The following GKAP1 variants were observed in gnomAD, a reference collection of about 807,000 sequenced individuals.
GKAP1 encodes the protein G kinase-anchoring protein 1.
GKAP1 carries 31 observed loss-of-function variants against 56.7 expected under a neutral mutation model. That is an observed-to-expected ratio of 0.55 (90% CI 0.41 to 0.74). GKAP1 has a LOEUF of 0.74. GKAP1 is among the 30% of genes least tolerant of loss of function. The pLI, the probability that GKAP1 is intolerant of heterozygous loss-of-function variation, is 0.00. For missense variants in GKAP1, 364 were observed against 402.3 expected (o/e 0.90, Z 0.82); for synonymous variants, 151 against 138.6 (o/e 1.09, Z -0.63).
Position 83,742,615 on chromosome 9 carries a change from A to C in GKAP1, c.905-15T>G, listed in dbSNP as rs1262241331. The C allele has an allele frequency of 6.3e-7, 1 of 1,586,452 alleles. No homozygotes were observed. Among genetic ancestry groups the C allele is most frequent in the South Asian group, 1.1e-5 (1 of 90,250 alleles). ...CTTATCTTTCACTGACAAAAAAGGA[A>C]AAACAGCAGTATAGATTTTCCAGTC... is the stretch of plus-strand genomic sequence containing the variant. On this transcript the variant is annotated splice_polypyrimidine_tract_variant and intron_variant, in intron 10 of 12. Coordinates refer to ENST00000376371, the MANE Select transcript of GKAP1 (RefSeq NM_025211.4).
chr9:83,799,284 A>C lies in GKAP1; in HGVS notation c.261T>G (p.His87Gln). Residue 87 changes from histidine (H) to glutamine (Q), a missense_variant, in exon 4 of 13, where the codon CAT becomes CAG. Transcript: ENST00000376371. ...GATCATGTTGAGCGTTACAAACAGC[A>C]TGGGAGGATTTCTGGGGAATTTTCT... is the stretch of plus-strand genomic sequence containing the variant. ...AFKKIPQKSS[H>Q]AVCNAQHDLP... The C allele has an allele frequency of 6.2e-7, 1 of 1,601,492 alleles. No individual in the cohort carries two copies. The highest frequency in any genetic ancestry group is 1.3e-5 in the African/African-American group (1 of 74,296).
At chr9:83,761,935 C>T (rs1943579208) in intron 8 of GKAP1, among the ~76,000 whole-genome samples, 1 of 151,968 alleles carries the variant, frequency 6.6e-6, no homozygotes, top group Non-Finnish European at 1.5e-5. Flanking sequence ...CACAAGAAAC[C>T]CACAGCAAGT....
At chr9:83,750,004 T>C (rs551824441) in intron 9 of GKAP1, among the ~76,000 whole-genome samples, 143 of 152,316 alleles carry the variant, frequency 9.4e-4, no homozygotes, top group Middle Eastern at 3.4e-3. Context: ...CTACACTCGC[T>C]ATGAAATTCC....
chr9:83,755,676 CAAAAT>C (rs1943462582), intron 8 of GKAP1, among the ~76,000 whole-genome samples: 1 of 146,476 alleles, frequency 6.8e-6, no homozygotes, highest in Admixed American at 6.8e-5. Flanking sequence ...ACCACTGTAA[CAAAAT>C]AAAAAGGTAA....
At chr9:83,763,657 C>T (rs1943612447) in intron 8 of GKAP1, among the ~76,000 whole-genome samples, 1 of 152,166 alleles carries the variant, frequency 6.6e-6, no homozygotes, top group Non-Finnish European at 1.5e-5. Flanking sequence ...TCTCTGATCC[C>T]CTTTCCTGTG....
chr9:83,789,733 T>G (rs1467105529), intron 4 of GKAP1, among the ~76,000 whole-genome samples: 1 of 151,004 alleles, frequency 6.6e-6, no homozygotes, highest in Non-Finnish European at 1.5e-5. Context: ...TCCTTTTTTT[T>G]CCTCCCAGGA....
chr9:83,742,376 A>G (rs1227669101), intron 11 of GKAP1, among the ~76,000 whole-genome samples, 154 bp downstream of exon 11: 1 of 152,202 alleles, frequency 6.6e-6, no homozygotes, highest in African/African-American at 2.4e-5. Context: ...TTAGTGCTGT[A>G]AACAGAATCT....
chr9:83,793,238 C>A (rs1472821053), intron 4 of GKAP1, among the ~76,000 whole-genome samples: 2 of 152,124 alleles, frequency 1.3e-5, no homozygotes, highest in Non-Finnish European at 2.9e-5. Context: ...TCATAGGCAA[C>A]ATGGAAATAT....
chr9:83,772,998 C>A (rs573927081), intron 7 of GKAP1, among the ~76,000 whole-genome samples: 1 of 152,114 alleles, frequency 6.6e-6, no homozygotes, highest in Non-Finnish European at 1.5e-5. Context: ...AAATGGTAGT[C>A]ATTTTGAAAA....
chr9:83,803,895 C>G (rs1944378122), intron 3 of GKAP1, among the ~76,000 whole-genome samples: 2 of 150,774 alleles, frequency 1.3e-5, no homozygotes, highest in South Asian at 4.2e-4. Flanking sequence ...GGGAGCGCCT[C>G]TGCCCCGCCG....
intron 8 of GKAP1, among the ~76,000 whole-genome samples, chr9:83,761,447 C>T (rs1271912472): frequency 1.3e-5 from 2 of 151,986 alleles, no homozygotes; most frequent in Admixed American, 1.3e-4. Flanking sequence ...TAAAGAAAAG[C>T]CCAGGATCCA....
chr9:83,766,222 T>C (rs1448173455), intron 8 of GKAP1, among the ~76,000 whole-genome samples: 1 of 152,124 alleles, frequency 6.6e-6, no homozygotes, highest in Non-Finnish European at 1.5e-5. Flanking sequence ...TGTGAAGAGG[T>C]GCTTTCTACC....
At chr9:83,749,240 T>C (rs1483994062) in intron 9 of GKAP1, 1 of 151,082 alleles carries the variant, frequency 6.6e-6, no homozygotes, top group African/African-American at 2.4e-5. Flanking sequence ...TTTTTTTTTT[T>C]TTTTGAGATG....
At chr9:83,816,194 A>G (rs552778691) in intron 2 of GKAP1, among the ~76,000 whole-genome samples, 2 of 149,906 alleles carry the variant, frequency 1.3e-5, no homozygotes, top group African/African-American at 4.9e-5. Flanking sequence ...CGCCTCAAGA[A>G]AAAAAAAAAA....
At chr9:83,797,029 C>T (rs1944259296) in intron 4 of GKAP1, among the ~76,000 whole-genome samples, 1 of 152,136 alleles carries the variant, frequency 6.6e-6, no homozygotes, top group African/African-American at 2.4e-5. Context: ...GTGGCAGAAA[C>T]TTTTCTTCCA....
chr9:83,801,938 AAAAATAAACTGAAAAGGCTTTTTTCT>A (rs1944337807), intron 3 of GKAP1, among the ~76,000 whole-genome samples: 1 of 152,246 alleles, frequency 6.6e-6, no homozygotes, highest in Non-Finnish European at 1.5e-5. Flanking sequence ...ATGTAATAGA[AAAAATAAACTGAAAAGGCTTTTTTCT>A]AAGTCTTGGG....
intron 5 of GKAP1, 149 bp from the exon 6 acceptor site, chr9:83,784,987 A>G (rs1026906816): frequency 2.7e-5 from 14 of 513,876 alleles, no homozygotes; most frequent in Non-Finnish European, 4.3e-5. Flanking sequence ...GTATAAAGAG[A>G]TACCTCTTTA....
chr9:83,788,585 G>A lies in GKAP1; in HGVS notation c.438+16C>T. On this transcript the variant is annotated intron_variant, in intron 5 of 12. Transcript: ENST00000376371. ...TTAAACTTCTAAAATATCTAAATCA[G>A]TAAGTATGTAAATACCTTTTTGTGC... The A allele has an allele frequency of 1.5e-6, 2 of 1,374,990 alleles. No individual in the cohort carries two copies. Among genetic ancestry groups the A allele is most frequent in the Non-Finnish European group, 2.0e-6 (2 of 985,426 alleles). 85.2% of individuals were successfully genotyped at this position (1,374,990 alleles called of 1,614,324 possible). A position where few individuals can be genotyped will look rare whatever the true frequency, so the allele number is the denominator to read the frequency against.
chr9:83,759,976 C>T (rs1179031769), intron 8 of GKAP1, among the ~76,000 whole-genome samples: 1 of 152,192 alleles, frequency 6.6e-6, no homozygotes, highest in African/African-American at 2.4e-5. Context: ...TTACATTCCT[C>T]TATAAACCTT....
Sources: gnomAD v4.1 joint callset for allele counts (sites outside exome capture counted in the v4.1 genomes callset) on GRCh38, gnomAD v4.1.1 for gene constraint, MANE v1.5 for transcripts, NCBI Gene and HGNC (gene_info 2026-07-23, HGNC 2026-07-21) for gene names.